RYR3: variants seen among roughly 807,000 people sequenced by gnomAD.
RYR3 encodes the protein ryanodine receptor 3.
RYR3 carries 207 observed loss-of-function variants against 584.3 expected under a neutral mutation model. That is an observed-to-expected ratio of 0.35 (90% CI 0.32 to 0.40). The LOEUF (loss-of-function observed/expected upper bound fraction) is 0.40, where lower values mean the gene tolerates loss of function less well. RYR3 is among the 10% of genes least tolerant of loss of function. RYR3 has a pLI of 1.00. For synonymous variants in RYR3, 2,416 were observed against 2,248.5 expected, an observed-to-expected ratio of 1.07 and a Z score of -2.11; for missense variants, 5,616 against 6,089.2, an observed-to-expected ratio of 0.92 and a Z score of 2.59.
At chr15:33,826,573 C>A in intron 83 of RYR3, 99 bp from the exon 84 acceptor site, 2 of 1,104,510 alleles carry the variant, frequency 1.8e-6, no homozygotes, top group Non-Finnish European at 2.8e-6. Flanking sequence ...CCAAACCATT[C>A]TGACACAACT....
intron 1 of RYR3, among the ~76,000 whole-genome samples, chr15:33,409,516 C>T (rs1264594783): frequency 1.3e-5 from 2 of 152,188 alleles, no homozygotes; most frequent in African/African-American, 4.8e-5. Context: ...CTGGGTTTCT[C>T]CTCCCTGTGC....
chr15:33,712,538 CT>C (rs1363144418), intron 43 of RYR3, among the ~76,000 whole-genome samples: 3 of 152,254 alleles, frequency 2.0e-5, no homozygotes, highest in South Asian at 2.1e-4. Context: ...AGAGATACCC[CT>C]AATTGAATTT....
intron 2 of RYR3, among the ~76,000 whole-genome samples, chr15:33,488,834 G>A (rs965850780): frequency 6.6e-6 from 1 of 152,010 alleles, no homozygotes; most frequent in Non-Finnish European, 1.5e-5. Context: ...CTGAGCAACC[G>A]AGCGAGACTC....
Position 33,725,974 on chromosome 15 carries a change from C to A in RYR3, c.6913-412C>A, listed in dbSNP as rs888094484. Among the ~76,000 whole-genome samples, 12 of 37,620 alleles carry A rather than the reference C, an allele frequency of 3.2e-4. 1 individual carries two copies. Among genetic ancestry groups the A allele is most frequent in the South Asian group, 2.1e-3 (1 of 480 alleles). The allele number at this position is 37,620 out of a possible 152,430, so 24.7% of individuals were successfully genotyped here. A position where few individuals can be genotyped will look rare whatever the true frequency, so the allele number is the denominator to read the frequency against. On this transcript the variant is annotated intron_variant, in intron 45 of 103. Coordinates refer to ENST00000634891, the MANE Select transcript of RYR3 (RefSeq NM_001036.6). Reference sequence around the variant, plus strand: ...GACAGAGCAAGACTCCATCCCCCCCCCCAAAAAAAAAAAAAAAAAAAAACA... The same window carrying A: ...GACAGAGCAAGACTCCATCCCCCCCACCAAAAAAAAAAAAAAAAAAAAACA...
At chr15:33,443,357 C>A (rs1253693064) in intron 1 of RYR3, among the ~76,000 whole-genome samples, 1 of 151,818 alleles carries the variant, frequency 6.6e-6, no homozygotes, top group African/African-American at 2.4e-5. Context: ...ATTGAAAGAT[C>A]AGTGTGCCCT....
At chr15:33,343,787 C>G (rs985349229) in intron 1 of RYR3, among the ~76,000 whole-genome samples, 1 of 152,192 alleles carries the variant, frequency 6.6e-6, no homozygotes, top group African/African-American at 2.4e-5. Context: ...ATCCCAGGAA[C>G]GGAAGCAGAC....
chr15:33,731,488 C>T lies in RYR3; in HGVS notation c.7218C>T (p.Thr2406=), dbSNP rs775838200. 2 of 1,611,698 alleles carry T rather than the reference C, an allele frequency of 1.2e-6. No homozygotes were observed. The highest frequency in any genetic ancestry group is 1.6e-4 in the Middle Eastern group (1 of 6,062). ...SASLDTVSLS[T]TEAALALNRY... ...TCTTTCTCTAGGTTTCCCTAAGCAC[C>T]ACAGAGGCTGCGCTTGCACTAAATA... is the stretch of plus-strand genomic sequence containing the variant. Residue 2406 remains threonine, a synonymous_variant, in exon 48 of 104, where the codon ACC becomes ACT. Transcript: ENST00000634891.
intron 65 of RYR3, among the ~76,000 whole-genome samples, chr15:33,780,759 C>T (rs1430446123): frequency 6.6e-6 from 1 of 152,130 alleles, no homozygotes; most frequent in Non-Finnish European, 1.5e-5. Context: ...GAGAGGCGTG[C>T]TTCTAAAGAT....
chr15:33,840,779 C>A, intron 89 of RYR3, 46 bp from the exon 90 acceptor site: 1 of 1,584,892 alleles, frequency 6.3e-7, no homozygotes, highest in Non-Finnish European at 8.6e-7. Flanking sequence ...ATCATCATGA[C>A]CTCGCTTCTT....
At chr15:33,382,319 C>CTTTTTT (rs34767570) in intron 1 of RYR3, among the ~76,000 whole-genome samples, 3,234 of 104,688 alleles carry the variant, frequency 0.031, 299 homozygotes, top group African/African-American at 0.045. Flanking sequence ...TTAAAAGTGG[C>CTTTTTT]TTTTTTTTTT....
intron 67 of RYR3, among the ~76,000 whole-genome samples, chr15:33,791,892 A>G (rs938512473): frequency 2.0e-5 from 3 of 152,184 alleles, no homozygotes; most frequent in Non-Finnish European, 4.4e-5. Context: ...GGATTGTTGG[A>G]GAGTGGGTAC....
At chr15:33,790,548 A>G (rs889018480) in intron 67 of RYR3, among the ~76,000 whole-genome samples, 4 of 152,190 alleles carry the variant, frequency 2.6e-5, no homozygotes, top group African/African-American at 9.7e-5. Context: ...GATTTGGCCA[A>G]GGTTGGAGTG....
intron 19 of RYR3, among the ~76,000 whole-genome samples, chr15:33,621,187 C>T (rs1283487851): frequency 6.6e-6 from 1 of 152,158 alleles, no homozygotes; most frequent in Non-Finnish European, 1.5e-5. Context: ...AGCAACAGAG[C>T]TCATGAATAA....
chr15:33,331,649 A>C (rs907284084), intron 1 of RYR3, among the ~76,000 whole-genome samples: 1 of 152,068 alleles, frequency 6.6e-6, no homozygotes, highest in Non-Finnish European at 1.5e-5. Context: ...GACATTTTTC[A>C]GAAAAAAAAC....
chr15:33,617,964 T>A (rs1039801079), intron 19 of RYR3, among the ~76,000 whole-genome samples: 1 of 152,168 alleles, frequency 6.6e-6, no homozygotes, highest in South Asian at 2.1e-4. Context: ...AGGCCCCCAG[T>A]GTAACAACCG....
At chr15:33,733,558 A>G (rs143113953) in intron 48 of RYR3, among the ~76,000 whole-genome samples, 3 of 152,330 alleles carry the variant, frequency 2.0e-5, no homozygotes, top group Non-Finnish European at 4.4e-5. Context: ...AAGCTAAGGA[A>G]ACAGTGAAAA....
intron 12 of RYR3, among the ~76,000 whole-genome samples, chr15:33,570,844 AT>A (rs2057990083): frequency 7.0e-6 from 1 of 142,958 alleles, no homozygotes; most frequent in South Asian, 2.3e-4. Context: ...AAATATAATT[AT>A]TTTTTTGATT....
intron 66 of RYR3, 81 bp downstream of exon 66, chr15:33,786,063 A>T (rs1346823275): frequency 8.0e-7 from 1 of 1,244,728 alleles, no homozygotes; most frequent in Non-Finnish European, 1.1e-6. Flanking sequence ...ATTAATTCCA[A>T]GATGGTTTTG....
chr15:33,531,513 T>C (rs1019194250), intron 4 of RYR3, among the ~76,000 whole-genome samples: 17 of 152,066 alleles, frequency 1.1e-4, no homozygotes, highest in Non-Finnish European at 1.5e-4. Context: ...GATACGTTAA[T>C]TCAAGACTAT....
Sources: allele counts gnomAD v4.1 joint callset (sites outside exome capture counted in the v4.1 genomes callset), GRCh38; gene constraint gnomAD v4.1.1; transcripts MANE v1.5; gene names NCBI Gene and HGNC (gene_info 2026-07-23, HGNC 2026-07-21).